MARK4: variants seen among roughly 807,000 people sequenced by gnomAD.
MARK4 encodes MAP/microtubule affinity-regulating kinase 4.
In MARK4, 19 loss-of-function variants were observed where a neutral mutation model predicts 81.5. The observed-to-expected ratio is 0.23, with a 90% CI of 0.16 to 0.34. The LOEUF (loss-of-function observed/expected upper bound fraction) is 0.34. Ranked by LOEUF, MARK4 falls within the 10% of genes least tolerant of loss-of-function variation. The probability of loss-of-function intolerance (pLI) is 1.00; values close to 1 mark genes in which losing one functional copy is unlikely to be tolerated. For synonymous variants in MARK4, 436 were observed against 439.0 expected (o/e 0.99, Z 0.08); for missense variants, 772 against 1,058.8 (o/e 0.73, Z 3.76).
chr19:45,302,799 C>A lies in MARK4; in HGVS notation c.*89C>A. The A allele has an allele frequency of 6.7e-7, 1 of 1,485,024 alleles. No individual in the cohort carries two copies. Among genetic ancestry groups the A allele is most frequent in the Non-Finnish European group, 9.0e-7 (1 of 1,116,950 alleles). The allele number at this position is 1,485,024 out of a possible 1,614,324, so 92.0% of individuals were successfully genotyped here. On this transcript the variant is annotated 3_prime_UTR_variant, in exon 17 of 17. Coordinates refer to ENST00000262891, the MANE Select transcript of MARK4 (RefSeq NM_001199867.2). This position sits in a 1 kb window ranked among gnomAD's most constrained non-coding sequence, Gnocchi z 4.9. ...GAAGGGGCCAGGGAGGGGATTCTCC[C>A]TTTATCATCACCTCAGTTTCCCTGA...
chr19:45,253,721 C>T (rs1970273151), intron 1 of MARK4, among the ~76,000 whole-genome samples: 1 of 152,072 alleles, frequency 6.6e-6, no homozygotes, highest in African/African-American at 2.4e-5. Flanking sequence ...TTTGCAGGAG[C>T]CAGCGACGTG....
At position 45,297,813 on chromosome 19, in the gene MARK4, C is replaced by A; in HGVS notation, c.1736C>A (p.Ala579Glu). Residue 579 changes from alanine (A) to glutamate (E), a missense_variant, in exon 15 of 17, where the codon GCA (alanine) becomes GAA (glutamate). Coordinates refer to ENST00000262891, the MANE Select transcript of MARK4 (RefSeq NM_001199867.2). ...GGTGGCCAGGTCCGGGACCGGCGGG[C>A]AGGGGGTGGGGGTGGTGGGGGTGTG... ...FHGGQVRDRR[A>E]GGGGGGGVQN... The A allele has an allele frequency of 6.5e-7, 1 of 1,541,076 alleles. No individual in the cohort carries two copies.
chr19:45,255,386 C>A (rs1970294009), intron 1 of MARK4, among the ~76,000 whole-genome samples: 3 of 151,776 alleles, frequency 2.0e-5, no homozygotes, highest in Non-Finnish European at 4.4e-5. Context: ...CATGGTGAAA[C>A]CCCCTCTTTA....
At position 45,302,410 on chromosome 19, in the gene MARK4, C is replaced by T. The variant is rs1970987995; in HGVS notation, c.1959C>T (p.Pro653=). 1.9e-6 allele frequency: 3 copies of T among 1,614,030 alleles called. No homozygotes were observed. Among genetic ancestry groups the T allele is most frequent in the South Asian group, 1.1e-5 (1 of 91,086 alleles). The change falls in exon 17 of 17, where the codon CCC becomes CCT. Residue 653 remains proline, a synonymous_variant. Coordinates refer to ENST00000262891, the MANE Select transcript of MARK4 (RefSeq NM_001199867.2). This position sits in a 1 kb window ranked among gnomAD's most constrained non-coding sequence, Gnocchi z 4.9. ...HLPWDQTETA[P]RLLRFPWSVK... is the part of the protein sequence containing the mutation. ...CTTGGGATCAAACGGAAACCGCCCC[C>T]CGGCTGCTCCGATTCCCCTGGAGTG...
At chr19:45,295,184 C>T (rs1313954296) in intron 14 of MARK4, among the ~76,000 whole-genome samples, 1 of 148,772 alleles carries the variant, frequency 6.7e-6, no homozygotes, top group African/African-American at 2.5e-5. Context: ...CCCGTCTCTA[C>T]TAAAAATACC....
chr19:45,276,119 C>T (rs898291855), intron 8 of MARK4, among the ~76,000 whole-genome samples: 1 of 152,080 alleles, frequency 6.6e-6, no homozygotes, highest in African/African-American at 2.4e-5. Flanking sequence ...CTCAACCTCC[C>T]GGGCTCAAGC....
chr19:45,251,725 C>T, intron 1 of MARK4, 86 bp downstream of exon 1: 2 of 1,298,764 alleles, frequency 1.5e-6, no homozygotes, highest in Non-Finnish European at 2.1e-6. Context: ...CCCCGCGAGC[C>T]CCTACCCTCG....
rs1444015363 is a variant in MARK4, at chr19:45,302,617, A to G, written c.2166A>G (p.Pro722=). The change falls in exon 17 of 17, where the codon CCA becomes CCG. Residue 722 remains proline (P), a synonymous_variant. Transcript: ENST00000262891. This position sits in a 1 kb window ranked among gnomAD's most constrained non-coding sequence, Gnocchi z 4.9. ...TGGAGGTCTGCCAGCTGCCCCGGCC[A>G]GGCTTGCGGGGAGTTCTCTTCCGCC... The part of the protein sequence containing the change: ...FEVEVCQLPR[P]GLRGVLFRRV... 1.9e-6 allele frequency: 3 copies of G among 1,553,182 alleles called. No individual in the cohort carries two copies. Among genetic ancestry groups the G allele is most frequent in the East Asian group, 4.8e-5 (2 of 41,990 alleles).
rs573576657 is a variant in MARK4 at position 45,263,177 on chromosome 19, G to T, written c.306+11G>T. 1.2e-6 allele frequency: 2 copies of T among 1,610,174 alleles called. No homozygotes were observed. The highest frequency in any genetic ancestry group is 2.7e-5 in the African/African-American group (2 of 74,956). On this transcript the variant is annotated intron_variant, in intron 3 of 16. Coordinates refer to ENST00000262891, the MANE Select transcript of MARK4 (RefSeq NM_001199867.2). The stretch of plus-strand genomic sequence containing the variant: ...AGCAGCCTGCAGAAGGTGAGGCTGG[G>T]GAGACGGGGGAGAGCAGGAGCCAGG...
At chr19:45,272,993 C>T (rs920423751) in intron 8 of MARK4, among the ~76,000 whole-genome samples, 1 of 152,206 alleles carries the variant, frequency 6.6e-6, no homozygotes, top group Admixed American at 6.5e-5. Flanking sequence ...CAGTTCCTGT[C>T]TTCCCAGACT....
In MARK4 at chr19:45,288,849, C is replaced by CAAAA. The variant is rs34269496; in HGVS notation, c.1494+1200_1494+1203dup. On this transcript the variant is annotated intron_variant, in intron 13 of 16. Coordinates refer to ENST00000262891, the MANE Select transcript of MARK4 (RefSeq NM_001199867.2). ...TGGGTGACAGAGCAAGACTCTGTCTCAAAAAAAAAAAAAAAAAAGTCGTGG... is the reference window on the plus strand; with the variant it reads ...TGGGTGACAGAGCAAGACTCTGTCTCAAAAAAAAAAAAAAAAAAAAAAGTCGTGG... 6.1e-4 allele frequency among the ~76,000 whole-genome samples: 63 copies of CAAAA among 102,952 alleles called. 2 individuals are homozygous for CAAAA. The highest frequency in any genetic ancestry group is 1.8e-3 in the Admixed American group (16 of 8,902). The allele number at this position is 102,952 out of a possible 152,430, so 67.5% of individuals were successfully genotyped here.
At position 45,302,809 on chromosome 19, in the gene MARK4, A is replaced by G; in HGVS notation, c.*99A>G. The G allele has an allele frequency of 6.9e-7, 1 of 1,449,414 alleles. No homozygotes were observed. Among genetic ancestry groups the G allele is most frequent in the Middle Eastern group, 1.8e-4 (1 of 5,446 alleles). 89.8% of individuals were successfully genotyped at this position (1,449,414 alleles called of 1,614,324 possible). On this transcript the variant is annotated 3_prime_UTR_variant, in exon 17 of 17. Coordinates refer to ENST00000262891, the MANE Select transcript of MARK4 (RefSeq NM_001199867.2). The surrounding 1 kb of genome is among the most constrained non-coding windows in gnomAD (Gnocchi z 4.9). ...GGGAGGGGATTCTCCCTTTATCATC[A>G]CCTCAGTTTCCCTGAATTATATTTG...
At chr19:45,265,684 G>C (rs774734736) in intron 6 of MARK4, among the ~76,000 whole-genome samples, 12 of 150,200 alleles carry the variant, frequency 8.0e-5, no homozygotes, top group Admixed American at 2.0e-4. Flanking sequence ...GGTAAGAGGA[G>C]TTGTGGGTGT....
intron 16 of MARK4, among the ~76,000 whole-genome samples, chr19:45,301,002 G>A (rs1970963505): frequency 6.6e-6 from 1 of 152,146 alleles, no homozygotes; most frequent in South Asian, 2.1e-4. Flanking sequence ...CTTCAGGCGG[G>A]ACGTTTCTTT....
At chr19:45,269,206 T>C (rs930430959) in intron 7 of MARK4, among the ~76,000 whole-genome samples, 1 of 152,032 alleles carries the variant, frequency 6.6e-6, no homozygotes, top group African/African-American at 2.4e-5. Flanking sequence ...TGGCAAGACC[T>C]CGTCTCTACT....
chr19:45,264,018 G>T (rs984033915), intron 4 of MARK4, among the ~76,000 whole-genome samples: 5 of 152,150 alleles, frequency 3.3e-5, no homozygotes, highest in African/African-American at 7.2e-5. Flanking sequence ...GGGAGTGAGG[G>T]GTCTTTAGTG....
At chr19:45,296,407 C>CT (rs1970887895) in intron 14 of MARK4, among the ~76,000 whole-genome samples, 1 of 152,238 alleles carries the variant, frequency 6.6e-6, no homozygotes, top group Non-Finnish European at 1.5e-5. Flanking sequence ...AGCTCTGGGA[C>CT]TGAGGCCGCT....
intron 4 of MARK4, 70 bp from the exon 5 acceptor site, chr19:45,264,614 A>G (rs1365225689): frequency 8.3e-6 from 12 of 1,452,156 alleles, no homozygotes; most frequent in East Asian, 4.6e-5. Context: ...GCACATTTGC[A>G]TAGTTACTGA....
Position 45,287,478 on chromosome 19 carries a change from A to C in MARK4, c.1308A>C (p.Lys436Asn), listed in dbSNP as rs1379873999. Residue 436 changes from lysine to asparagine, a missense_variant, in exon 13 of 17, where the codon AAA (lysine) becomes AAC (asparagine). Lys to Asn is a moderately conservative substitution (Grantham distance 94). Around this residue, in one of 3 missense-constraint regions of MARK4, gnomAD observed 548 missense variants for 624.3 expected, o/e 0.88. Transcript: ENST00000262891. The part of the protein sequence containing the change: ...CGPSPAPLHP[K>N]RSPTSTGEAE... ...CATCCCCTGCACCCCTGCACCCCAAACGCAGCCCGACGAGCACGGGGGAGG... is the reference window on the plus strand; with the variant it reads ...CATCCCCTGCACCCCTGCACCCCAACCGCAGCCCGACGAGCACGGGGGAGG... The C allele has an allele frequency of 6.7e-7, 1 of 1,487,464 alleles. No homozygotes were observed. The highest frequency in any genetic ancestry group is 9.0e-7 in the Non-Finnish European group (1 of 1,113,416). The allele number at this position is 1,487,464 out of a possible 1,614,324, so 92.1% of individuals were successfully genotyped here. A position where few individuals can be genotyped will look rare whatever the true frequency, so the allele number is the denominator to read the frequency against.
Sources: gnomAD v4.1 joint callset for allele counts (sites outside exome capture counted in the v4.1 genomes callset) on GRCh38, gnomAD v4.1.1 for gene constraint, gnomAD v4.1.1 regional missense constraint, Gnocchi (gnomAD v3.1) non-coding constraint, MANE v1.5 for transcripts, NCBI Gene and HGNC (gene_info 2026-07-23, HGNC 2026-07-21) for gene names.